LMBR1: variants seen among roughly 807,000 people sequenced by gnomAD.
LMBR1 encodes the protein limb region 1 protein homolog.
LMBR1 carries 52 observed loss-of-function variants against 73.9 expected under a neutral mutation model. That is an observed-to-expected ratio of 0.70 (90% CI 0.56 to 0.89). The LOEUF is 0.89. Ranked by LOEUF, LMBR1 falls within the 40% of genes least tolerant of loss-of-function variation. The pLI, the probability that LMBR1 is intolerant of heterozygous loss-of-function variation, is 0.00. For missense variants in LMBR1, 539 were observed against 579.8 expected (o/e 0.93, Z 0.72); for synonymous variants, 215 against 209.4 (o/e 1.03, Z -0.23).
intron 1 of LMBR1, among the ~76,000 whole-genome samples, chr7:156,864,668 A>T (rs982474242): frequency 2.0e-5 from 3 of 152,200 alleles, no homozygotes; most frequent in Admixed American, 1.3e-4. Context: ...AATTTTCTAA[A>T]CCTAGCAATA....
At chr7:156,710,498 C>T (rs1174031231) in intron 15 of LMBR1, among the ~76,000 whole-genome samples, 5 of 152,174 alleles carry the variant, frequency 3.3e-5, no homozygotes, top group East Asian at 3.9e-4. Context: ...TTTAAAAACA[C>T]GAACAAAGCC....
intron 16 of LMBR1, 109 bp downstream of exon 16, chr7:156,687,921 T>TA (rs948211656): frequency 3.8e-5 from 40 of 1,062,056 alleles, no homozygotes; most frequent in Non-Finnish European, 5.2e-5. Context: ...ATTTGACCTC[T>TA]AAGGTTTTAC....
chr7:156,832,075 TA>T (rs748998502), intron 3 of LMBR1, among the ~76,000 whole-genome samples: 27 of 152,210 alleles, frequency 1.8e-4, no homozygotes, highest in Non-Finnish European at 2.6e-4. Context: ...AGAATAAAAC[TA>T]AAACCCGTAA....
At chr7:156,701,156 A>G (rs1247613055) in intron 15 of LMBR1, among the ~76,000 whole-genome samples, 1 of 152,248 alleles carries the variant, frequency 6.6e-6, no homozygotes, top group African/African-American at 2.4e-5. Flanking sequence ...CAGCCACACC[A>G]TATCAAATGG....
At chr7:156,863,291 C>A (rs1797988704) in intron 1 of LMBR1, among the ~76,000 whole-genome samples, 1 of 151,490 alleles carries the variant, frequency 6.6e-6, no homozygotes, top group Non-Finnish European at 1.5e-5. Context: ...AAGCATCCAG[C>A]ATGAGAGAAA....
At chr7:156,832,404 CTT>C (rs1393806864) in intron 3 of LMBR1, among the ~76,000 whole-genome samples, 2 of 151,790 alleles carry the variant, frequency 1.3e-5, no homozygotes, top group African/African-American at 4.9e-5. Context: ...ACAATCACCT[CTT>C]TCTTTCATGT....
In LMBR1 at chr7:156,795,612, C is replaced by T. The variant is rs537407651; in HGVS notation, c.423+777G>A. Among the ~76,000 whole-genome samples the T allele has an allele frequency of 1.4e-4, 21 of 152,224 alleles. 1 individual carries two copies. The East Asian group carries it at 2.5e-3, about 18-fold the overall frequency. ...TCTGAGACAGGCTGGAGTGCAGTGA[C>T]GCAATCACAGCTCACACCACAGCTT... On this transcript the variant is annotated intron_variant, in intron 5 of 16. Coordinates refer to ENST00000353442, the MANE Select transcript of LMBR1 (RefSeq NM_022458.4).
At chr7:156,762,016 G>C (rs1823142038) in intron 8 of LMBR1, 118 bp downstream of exon 8, 1 of 564,538 alleles carries the variant, frequency 1.8e-6, no homozygotes, top group Non-Finnish European at 3.1e-6. Flanking sequence ...CAATTTGAGT[G>C]ATAAACATAC....
At chr7:156,871,103 A>G (rs1395150505) in intron 1 of LMBR1, among the ~76,000 whole-genome samples, 1 of 152,122 alleles carries the variant, frequency 6.6e-6, no homozygotes, top group Non-Finnish European at 1.5e-5. Context: ...AAGAAAGGAA[A>G]GAGACATTAC....
intron 5 of LMBR1, among the ~76,000 whole-genome samples, chr7:156,768,261 G>A (rs1824501877): frequency 6.6e-6 from 1 of 151,896 alleles, no homozygotes; most frequent in African/African-American, 2.4e-5. Flanking sequence ...GGAGGCTGAG[G>A]CAGGAGAATC....
rs1805395791 is a variant in LMBR1 at position 156,683,462 on chromosome 7, G to A, written c.*616C>T. 6.6e-6 allele frequency: 1 copy of A among 152,604 alleles called. No individual in the cohort carries two copies. Among genetic ancestry groups the A allele is most frequent in the South Asian group, 2.1e-4 (1 of 4,830 alleles). The allele number at this position is 152,604 out of a possible 1,614,324, so 9.5% of individuals were successfully genotyped here. A position where few individuals can be genotyped will look rare whatever the true frequency, so the allele number is the denominator to read the frequency against. On this transcript the variant is annotated 3_prime_UTR_variant, in exon 17 of 17. Transcript: ENST00000353442. ...AAGGCTCCAGGTTTAAAAGAATTTA[G>A]TATTTTCCCCTTGGCTCAAAGTCTA...
chr7:156,818,468 T>C (rs992550644), intron 4 of LMBR1, among the ~76,000 whole-genome samples: 2 of 152,198 alleles, frequency 1.3e-5, no homozygotes, highest in African/African-American at 2.4e-5. Context: ...GAAAAATCAC[T>C]CAAAAACTGA....
At chr7:156,766,127 C>T (rs1408920450) in intron 5 of LMBR1, among the ~76,000 whole-genome samples, 1 of 152,042 alleles carries the variant, frequency 6.6e-6, no homozygotes, top group Non-Finnish European at 1.5e-5. Context: ...GAGACAATCT[C>T]CACGGCGCTC....
At chr7:156,764,523 C>CA (rs544242975) in intron 5 of LMBR1, among the ~76,000 whole-genome samples, 16 of 152,188 alleles carry the variant, frequency 1.1e-4, no homozygotes, top group South Asian at 6.2e-4. Flanking sequence ...TTTTACTCCC[C>CA]AAAAAATCAC....
At chr7:156,882,077 T>C (rs1027803185) in intron 1 of LMBR1, among the ~76,000 whole-genome samples, 3 of 152,210 alleles carry the variant, frequency 2.0e-5, no homozygotes, top group South Asian at 2.1e-4. Flanking sequence ...ACAACCTAAA[T>C]GTCTATTAAC....
chr7:156,774,420 T>C (rs1279586424), intron 5 of LMBR1, among the ~76,000 whole-genome samples: 1 of 152,258 alleles, frequency 6.6e-6, no homozygotes, highest in East Asian at 1.9e-4. Context: ...ACTCATATGT[T>C]CACTGCAGCA....
chr7:156,766,283 C>T (rs1214989289), intron 5 of LMBR1, among the ~76,000 whole-genome samples: 1 of 152,040 alleles, frequency 6.6e-6, no homozygotes, highest in Non-Finnish European at 1.5e-5. Flanking sequence ...TCTGGTAGCA[C>T]AATGTTCACC....
rs1805143651 is a variant in LMBR1, at chr7:156,682,018, C to A, written c.*2060G>T. Reference sequence around the variant, plus strand: ...ATTACGCAGCAGCCCAAGGCTGTAACAATCTATTTGTTCTCAAGGCATATG... The same window carrying A: ...ATTACGCAGCAGCCCAAGGCTGTAAAAATCTATTTGTTCTCAAGGCATATG... On this transcript the variant is annotated 3_prime_UTR_variant, in exon 17 of 17. Transcript: ENST00000353442. 1.3e-5 allele frequency: 2 copies of A among 152,256 alleles called. No individual in the cohort carries two copies. The highest frequency in any genetic ancestry group is 6.5e-5 in the Admixed American group (1 of 15,286). The allele number at this position is 152,256 out of a possible 1,614,324, so 9.4% of individuals were successfully genotyped here.
At chr7:156,824,771 G>C (rs1410520163) in intron 4 of LMBR1, among the ~76,000 whole-genome samples, 1 of 151,972 alleles carries the variant, frequency 6.6e-6, no homozygotes, top group Non-Finnish European at 1.5e-5. Flanking sequence ...CCTGAGCCCA[G>C]GAGGTGGAGC....
Sources: allele counts gnomAD v4.1 joint callset (sites outside exome capture counted in the v4.1 genomes callset), GRCh38; gene constraint gnomAD v4.1.1; transcripts MANE v1.5; gene names NCBI Gene and HGNC (gene_info 2026-07-23, HGNC 2026-07-21).